ITGA8: variants seen among roughly 807,000 people sequenced by gnomAD.
The protein encoded by ITGA8 is integrin subunit alpha 8, also known as integrin alpha-8.
Under a neutral mutation model 142.3 loss-of-function variants are expected in ITGA8, and 91 were observed. The observed-to-expected ratio is 0.64, with a 90% CI of 0.54 to 0.76. ITGA8 has a LOEUF of 0.76. ITGA8 is among the 30% of genes least tolerant of loss of function. The probability of loss-of-function intolerance (pLI) is 0.00; values close to 1 mark genes in which losing one functional copy is unlikely to be tolerated. For synonymous variants in ITGA8, 505 were observed against 485.2 expected (o/e 1.04, Z -0.54); for missense variants, 1,406 against 1,327.7 (o/e 1.06, Z -0.92).
chr10:15,712,896 T>A (rs1025274847), intron 2 of ITGA8, among the ~76,000 whole-genome samples: 3 of 152,274 alleles, frequency 2.0e-5, no homozygotes, highest in African/African-American at 7.2e-5. Flanking sequence ...GGAATATTCC[T>A]GCCAAGAACC....
At chr10:15,581,820 C>T (rs1189662767) in intron 23 of ITGA8, among the ~76,000 whole-genome samples, 1 of 152,074 alleles carries the variant, frequency 6.6e-6, no homozygotes, top group Non-Finnish European at 1.5e-5. Flanking sequence ...ATACATACAT[C>T]AATAGAAGAG....
At chr10:15,705,586 A>G (rs1835242675) in intron 2 of ITGA8, among the ~76,000 whole-genome samples, 2 of 152,174 alleles carry the variant, frequency 1.3e-5, no homozygotes, top group South Asian at 4.1e-4. Context: ...CTATTAGACT[A>G]TAATCAAGCT....
chr10:15,653,427 C>T (rs894683700), intron 11 of ITGA8, among the ~76,000 whole-genome samples: 1 of 152,172 alleles, frequency 6.6e-6, no homozygotes. Context: ...TTACCCTCTC[C>T]CTAACTTGCA....
At position 15,644,185 on chromosome 10, in the gene ITGA8, T is replaced by C. The variant is rs1833923563; in HGVS notation, c.1244A>G (p.Gln415Arg). The C allele has an allele frequency of 6.2e-7, 1 of 1,614,066 alleles. No individual in the cohort carries two copies. Among genetic ancestry groups the C allele is most frequent in the Non-Finnish European group, 8.5e-7 (1 of 1,179,998 alleles). The change falls in exon 13 of 30, where the codon CAA becomes CGA. Residue 415 changes from glutamine to arginine, a missense_variant. Gln to Arg is a conservative substitution (Grantham distance 43). Coordinates refer to ENST00000378076, the MANE Select transcript of ITGA8 (RefSeq NM_003638.3). The stretch of plus-strand genomic sequence containing the variant: ...ATTATAAATGAGCACTTTGCCTCTT[T>C]GATCCTTGCCTGCAAAAGGCACTCC... ...AIGVPFAGKD[Q>R]RGKVLIYNGN...
chr10:15,716,018 T>C (rs1050003091), intron 2 of ITGA8, among the ~76,000 whole-genome samples: 1 of 152,226 alleles, frequency 6.6e-6, no homozygotes, highest in Admixed American at 6.5e-5. Context: ...TACCCCCTGA[T>C]GGCCGACATG....
At chr10:15,676,689 G>C (rs763027800) in intron 6 of ITGA8, among the ~76,000 whole-genome samples, 2 of 152,176 alleles carry the variant, frequency 1.3e-5, no homozygotes, top group Non-Finnish European at 2.9e-5. Context: ...TTGTTAAGTT[G>C]CAAGAGTATT....
Position 15,516,919 on chromosome 10 carries a change from T to C in ITGA8, c.*239A>G, listed in dbSNP as rs1286152818. The C allele has an allele frequency of 1.0e-5, 4 of 390,692 alleles. No individual in the cohort carries two copies. Among genetic ancestry groups the C allele is most frequent in the Non-Finnish European group, 1.9e-5 (4 of 215,420 alleles). The allele number at this position is 390,692 out of a possible 1,614,324, so 24.2% of individuals were successfully genotyped here. A position where few individuals can be genotyped will look rare whatever the true frequency, so the allele number is the denominator to read the frequency against. The stretch of plus-strand genomic sequence containing the variant: ...ACAGAACGATTAAAGCAAAAGAAAA[T>C]CTTCCACAATTGCTGATGGCTTCTC... On this transcript the variant is annotated 3_prime_UTR_variant, in exon 30 of 30. Transcript: ENST00000378076.
At chr10:15,619,074 G>T (rs1449353804) in intron 13 of ITGA8, among the ~76,000 whole-genome samples, 1 of 152,160 alleles carries the variant, frequency 6.6e-6, no homozygotes, top group African/African-American at 2.4e-5. Context: ...GCTGAGGTTT[G>T]TTCTTTGACT....
chr10:15,678,872 C>A, intron 4 of ITGA8, 89 bp from the exon 5 acceptor site: 1 of 709,376 alleles, frequency 1.4e-6, no homozygotes, highest in Non-Finnish European at 2.3e-6. Context: ...GTTATTTTCT[C>A]TAGAACCTTC....
chr10:15,558,935 C>T (rs1169787901), intron 25 of ITGA8, among the ~76,000 whole-genome samples: 2 of 152,040 alleles, frequency 1.3e-5, no homozygotes, highest in Non-Finnish European at 2.9e-5. Context: ...TATTTTAGAC[C>T]CACTGAATAC....
At chr10:15,666,159 G>A in intron 8 of ITGA8, among the ~76,000 whole-genome samples, 1 of 152,156 alleles carries the variant, frequency 6.6e-6, no homozygotes, top group East Asian at 1.9e-4. Flanking sequence ...AGCATGGAAT[G>A]TTCTTCCATT....
intron 13 of ITGA8, among the ~76,000 whole-genome samples, chr10:15,633,625 G>A (rs1301543119): frequency 3.3e-5 from 5 of 151,984 alleles, no homozygotes; most frequent in Non-Finnish European, 7.4e-5. Context: ...TTACCATGTT[G>A]GCCAGAGGGG....
At chr10:15,661,636 T>G (rs1366841715) in intron 8 of ITGA8, among the ~76,000 whole-genome samples, 1 of 152,216 alleles carries the variant, frequency 6.6e-6, no homozygotes, top group African/African-American at 2.4e-5. Context: ...ACTCTGATTC[T>G]TCCAGCTTTT....
chr10:15,603,325 C>T (rs1185758421), intron 20 of ITGA8, among the ~76,000 whole-genome samples: 1 of 152,056 alleles, frequency 6.6e-6, no homozygotes, highest in African/African-American at 2.4e-5. Context: ...GGACAAGGTC[C>T]TCAGGGGGTG....
intron 27 of ITGA8, among the ~76,000 whole-genome samples, chr10:15,538,552 G>A (rs978067561): frequency 3.4e-5 from 5 of 145,510 alleles, no homozygotes; most frequent in South Asian, 4.3e-4. Context: ...GAAAATTGGC[G>A]TTCTATGGAA....
intron 25 of ITGA8, 44 bp downstream of exon 25, chr10:15,572,167 T>TA: frequency 1.4e-6 from 2 of 1,479,682 alleles, no homozygotes; most frequent in Non-Finnish European, 1.8e-6. Context: ...TTTCATACCA[T>TA]AAAAATAAAA....
chr10:15,532,382 G>A (rs376254415), intron 27 of ITGA8, among the ~76,000 whole-genome samples: 16 of 124,860 alleles, frequency 1.3e-4, no homozygotes, highest in African/African-American at 4.4e-4. Flanking sequence ...TCGTGCCACT[G>A]CCCTCCAGCC....
chr10:15,651,006 C>G (rs550449715), intron 11 of ITGA8, among the ~76,000 whole-genome samples: 2 of 152,276 alleles, frequency 1.3e-5, no homozygotes, highest in African/African-American at 4.8e-5. Context: ...GCTCCCTAAG[C>G]TGTTTCCTTT....
intron 24 of ITGA8, 50 bp from the exon 25 acceptor site, chr10:15,572,419 T>TA: frequency 6.4e-7 from 1 of 1,573,280 alleles, no homozygotes; most frequent in Non-Finnish European, 8.7e-7. Flanking sequence ...GGCAGAGAGA[T>TA]AAAATCAAAC....
Sources: gnomAD v4.1 joint callset for allele counts (sites outside exome capture counted in the v4.1 genomes callset) on GRCh38, gnomAD v4.1.1 for gene constraint, MANE v1.5 for transcripts, NCBI Gene and HGNC (gene_info 2026-07-23, HGNC 2026-07-21) for gene names.